Variants in SERPINA12 observed in about 807,000 individuals in gnomAD.
SERPINA12 encodes the protein serpin family A member 12.
A neutral mutation model predicts 25.9 loss-of-function variants in SERPINA12; 21 were observed. The observed-to-expected ratio is 0.81, with a 90% confidence interval of 0.58 to 1.17. The LOEUF (loss-of-function observed/expected upper bound fraction) is 1.17. SERPINA12 is among the 50% of genes most tolerant of loss of function. SERPINA12 has a pLI of 0.00. For missense variants in SERPINA12, 562 were observed against 508.3 expected (o/e 1.11, Z -1.02); for synonymous variants, 220 against 196.0 (o/e 1.12, Z -1.02).
chr14:94,489,279 A>AAAAG (rs548322759), intron 4 of SERPINA12, among the ~76,000 whole-genome samples: 10 of 150,126 alleles, frequency 6.7e-5, no homozygotes, highest in East Asian at 3.9e-4. Context: ...AGAAAGAAAG[A>AAAAG]AAAGAAAGAA....
chr14:94,498,420 G>A lies in SERPINA12; in HGVS notation c.-23C>T. Reference sequence around the variant, plus strand: ...CATTTTCCTTGAAGAATATCCTGTTGAGTAGTAGACCTGAGGTCAGCAGAA... The same window carrying A: ...CATTTTCCTTGAAGAATATCCTGTTAAGTAGTAGACCTGAGGTCAGCAGAA... On this transcript the variant is annotated 5_prime_UTR_variant, in exon 2 of 5. Coordinates refer to ENST00000677451, the MANE Select transcript of SERPINA12 (RefSeq NM_001382267.1). The A allele has an allele frequency of 6.2e-7, 1 of 1,607,170 alleles. No individual in the cohort carries two copies. The highest frequency in any genetic ancestry group is 1.1e-5 in the South Asian group (1 of 90,064).
chr14:94,500,614 C>T (rs556639585), intron 1 of SERPINA12, among the ~76,000 whole-genome samples: 2 of 152,258 alleles, frequency 1.3e-5, no homozygotes, highest in South Asian at 4.1e-4. Flanking sequence ...TGTTGGGGTG[C>T]TGGCCTGTCT....
At position 94,487,395 on chromosome 14, in the gene SERPINA12, TGAC is replaced by T. The variant is rs1431256344; in HGVS notation, c.1150_1152del (p.Val384del). 1 of 1,614,144 alleles carries T rather than the reference TGAC, an allele frequency of 6.2e-7. No individual in the cohort carries two copies. Among genetic ancestry groups the T allele is most frequent in the Admixed American group, 1.7e-5 (1 of 60,024 alleles). On this transcript the variant is annotated inframe_deletion, in exon 5 of 5. Coordinates refer to ENST00000677451, the MANE Select transcript of SERPINA12 (RefSeq NM_001382267.1). The stretch of plus-strand genomic sequence containing the variant: ...AGCAGCAGATAGGGTTTGTCTATCT[TGAC>T]GACGAGTGGTGTCTCCATGGGCAGA...
At chr14:94,512,820 C>T (rs560813119), upstream of SERPINA12, among the ~76,000 whole-genome samples, 4 of 152,222 alleles carry the variant, frequency 2.6e-5, no homozygotes, top group South Asian at 2.1e-4. Flanking sequence ...ATTTTGTGTG[C>T]TATTATATAG....
At chr14:94,503,682 T>C (rs1900826797) in intron 1 of SERPINA12, among the ~76,000 whole-genome samples, 1 of 152,204 alleles carries the variant, frequency 6.6e-6, no homozygotes, top group African/African-American at 2.4e-5. Context: ...GCATCAGTGG[T>C]GAAGGCAATT....
At chr14:94,501,741 A>C (rs1900735960) in intron 1 of SERPINA12, among the ~76,000 whole-genome samples, 1 of 125,272 alleles carries the variant, frequency 8.0e-6, no homozygotes, top group Non-Finnish European at 1.6e-5. Context: ...CCACCTCAGC[A>C]TGCCTGTGTC....
Position 94,496,601 on chromosome 14 carries a change from T to G in SERPINA12, c.677A>C (p.Glu226Ala). The change falls in exon 3 of 5, where the codon GAA (glutamate) becomes GCA (alanine). Residue 226 changes from glutamate (E) to alanine (A), a missense_variant. Glu to Ala is a moderately radical substitution (Grantham distance 107). Transcript: ENST00000677451. ...HEFDPNVTKE[E>A]DFFLEKNSSV... ...ACTGTTTTTCTCCAGAAAGAAATCT[T>G]CCTCTTTAGTTACATTTGGATCAAA... The G allele has an allele frequency of 6.2e-7, 1 of 1,614,008 alleles. No individual in the cohort carries two copies. The highest frequency in any genetic ancestry group is 8.5e-7 in the Non-Finnish European group (1 of 1,179,876).
In SERPINA12 at chr14:94,498,239, C is replaced by A. The variant is rs1415709612; in HGVS notation, c.159G>T (p.Met53Ile). ...TCTTGAGCAGCTTAAAGCCTAAGTCCATGTTCTGCCTTGCAAGCTCCTTGG... is the reference window on the plus strand; with the variant it reads ...TCTTGAGCAGCTTAAAGCCTAAGTCAATGTTCTGCCTTGCAAGCTCCTTGG... Reference protein sequence around the residue: ...MAAKELARQNMDLGFKLLKKL... With the variant: ...MAAKELARQNIDLGFKLLKKL... Residue 53 changes from methionine to isoleucine, a missense_variant, in exon 2 of 5, where the codon ATG (methionine) becomes ATT (isoleucine). By Grantham distance (10) the Met-to-Ile change is conservative. Transcript: ENST00000677451. The A allele has an allele frequency of 1.2e-6, 2 of 1,614,186 alleles. No individual in the cohort carries two copies. Among genetic ancestry groups the A allele is most frequent in the South Asian group, 2.2e-5 (2 of 91,072 alleles).
intron 1 of SERPINA12, chr14:94,501,101 T>C (rs1161088139): frequency 1.0e-6 from 1 of 985,214 alleles, no homozygotes; most frequent in Admixed American, 6.1e-5. Flanking sequence ...GAAGAGAAAT[T>C]AGTAAAATTC....
intron 1 of SERPINA12, among the ~76,000 whole-genome samples, chr14:94,516,312 T>C (rs1362158454): frequency 6.6e-6 from 1 of 152,026 alleles, no homozygotes; most frequent in Non-Finnish European, 1.5e-5. Flanking sequence ...AAAACCTGGG[T>C]ATGAGTTGGG....
intron 3 of SERPINA12, among the ~76,000 whole-genome samples, chr14:94,492,143 G>A (rs546117562): frequency 1.3e-5 from 2 of 152,250 alleles, no homozygotes; most frequent in South Asian, 2.1e-4. Flanking sequence ...GCCGAAGAGC[G>A]AGGCCTGAGA....
upstream of SERPINA12, chr14:94,510,092 T>C (rs1246309087): frequency 1.0e-6 from 1 of 985,264 alleles, no homozygotes; most frequent in African/African-American, 1.7e-5. Context: ...GTACCAGACA[T>C]AGGTGACTCA....
chr14:94,497,313 A>T (rs1397134759), intron 2 of SERPINA12, among the ~76,000 whole-genome samples: 1 of 152,236 alleles, frequency 6.6e-6, no homozygotes, highest in Non-Finnish European at 1.5e-5. Flanking sequence ...ACCATAATCA[A>T]CACAATCACC....
intron 3 of SERPINA12, among the ~76,000 whole-genome samples, chr14:94,492,127 A>T (rs1412737648): frequency 6.6e-6 from 1 of 152,164 alleles, no homozygotes. Flanking sequence ...GTGGGGACAG[A>T]AACCAGCCGA....
chr14:94,491,283 T>C (rs146571493), intron 3 of SERPINA12, among the ~76,000 whole-genome samples: 1 of 152,254 alleles, frequency 6.6e-6, no homozygotes, highest in Non-Finnish European at 1.5e-5. Context: ...GTAAGTGCTA[T>C]GGAAAAAAAT....
At chr14:94,500,947 C>T in intron 1 of SERPINA12, 2 of 982,300 alleles carry the variant, frequency 2.0e-6, no homozygotes, top group Non-Finnish European at 2.4e-6. Flanking sequence ...GCCTTCGTAG[C>T]TGTGTGACAT....
upstream of SERPINA12, chr14:94,511,398 A>G (rs1901106028): frequency 4.1e-6 from 4 of 985,038 alleles, no homozygotes; most frequent in Non-Finnish European, 4.8e-6. Flanking sequence ...CAGCTTCATA[A>G]GAATTTCTTA....
rs142617335 is a variant in SERPINA12 at position 94,502,141 on chromosome 14, C to T, written c.-33-3711G>A. Among the ~76,000 whole-genome samples the T allele has an allele frequency of 4.4e-4, 67 of 151,658 alleles. No individual in the cohort carries two copies. In the East Asian group the frequency reaches 4.5e-3, roughly 10 times the overall value. On this transcript the variant is annotated intron_variant, in intron 1 of 4. Coordinates refer to ENST00000677451, the MANE Select transcript of SERPINA12 (RefSeq NM_001382267.1). ...AAAAAAAAAAGAACAAGATAGAAAC[C>T]GAACCCCATGGGGTACACATGGGAC...
chr14:94,514,444 G>A (rs896137382), upstream of SERPINA12, among the ~76,000 whole-genome samples: 2 of 152,216 alleles, frequency 1.3e-5, no homozygotes, highest in African/African-American at 2.4e-5. Context: ...GCCCCTGGTG[G>A]CTGTGACTCA....
Sources: gnomAD v4.1 joint callset for allele counts (sites outside exome capture counted in the v4.1 genomes callset) on GRCh38, gnomAD v4.1.1 for gene constraint, MANE v1.5 for transcripts, NCBI Gene and HGNC (gene_info 2026-07-23, HGNC 2026-07-21) for gene names.